Variants in SHANK2 observed in about 807,000 individuals in gnomAD.
SHANK2 encodes SH3 and multiple ankyrin repeat domains 2, also known as SH3 and multiple ankyrin repeat domains protein 2.
Under a neutral mutation model 133.7 loss-of-function variants are expected in SHANK2, and 43 were observed. The ratio of observed to expected loss-of-function variants is 0.32; its 90% confidence interval spans 0.25 to 0.41. The LOEUF (loss-of-function observed/expected upper bound fraction) is 0.41, where lower values mean the gene tolerates loss of function less well. Ranked by LOEUF, SHANK2 falls within the 10% of genes least tolerant of loss-of-function variation. SHANK2 has a pLI of 1.00. For synonymous variants in SHANK2, 1,017 were observed against 952.8 expected (o/e 1.07, Z -1.24); for missense variants, 1,994 against 2,235.8 (o/e 0.89, Z 2.18).
intron 15 of SHANK2, among the ~76,000 whole-genome samples, chr11:70,681,391 C>T (rs1405393181): frequency 2.0e-5 from 3 of 152,186 alleles, no homozygotes; most frequent in Non-Finnish European, 4.4e-5. Context: ...GTAACCTTCT[C>T]TGGCAAGGTT....
intron 14 of SHANK2, among the ~76,000 whole-genome samples, chr11:70,781,633 G>A (rs1555045219): frequency 7.7e-6 from 1 of 130,286 alleles, no homozygotes; most frequent in Non-Finnish European, 1.6e-5. Context: ...TGTGCACAAC[G>A]TGCAGGTTTG....
chr11:71,056,054 T>A (rs1950914873), intron 10 of SHANK2, among the ~76,000 whole-genome samples: 1 of 152,156 alleles, frequency 6.6e-6, no homozygotes, highest in Non-Finnish European at 1.5e-5. Flanking sequence ...GCTGGGGTTG[T>A]TCTCCCTCCA....
rs549288508 is a variant in SHANK2 at position 70,489,558 on chromosome 11, A to G, written c.2552-210T>C. ...CAGCCCAGAGGCATTTCCAGAACAC[A>G]CAGGACAGTGCCCCTGGGGTGGGCT... On this transcript the variant is annotated intron_variant, in intron 23 of 25. Transcript: ENST00000601538. 112 of 616,360 alleles carry G rather than the reference A, an allele frequency of 1.8e-4. No individual in the cohort carries two copies. The Middle Eastern group carries it at 2.2e-3, about 12-fold the overall frequency. The allele number at this position is 616,360 out of a possible 1,614,324, so 38.2% of individuals were successfully genotyped here.
intron 15 of SHANK2, among the ~76,000 whole-genome samples, chr11:70,685,727 G>C (rs1221882283): frequency 1.3e-5 from 2 of 152,138 alleles, no homozygotes; most frequent in Non-Finnish European, 2.9e-5. Context: ...CAACTCCTTA[G>C]ACTGCCCTGA....
rs2058626817 is a variant in SHANK2, at chr11:70,473,684, G to A, written c.4980-245C>T. On this transcript the variant is annotated intron_variant, in intron 25 of 25. Coordinates refer to ENST00000601538, the MANE Select transcript of SHANK2 (RefSeq NM_012309.5). The surrounding 1 kb of genome is among the most constrained non-coding windows in gnomAD (Gnocchi z 5.9). ...CCACTCACCTGAACTGGGACAGAGG[G>A]GCTGGGGGACCTGCCTGTGCTGGGG... 1.7e-6 allele frequency: 1 copy of A among 602,400 alleles called. No individual in the cohort carries two copies. 37.3% of individuals were successfully genotyped at this position (602,400 alleles called of 1,614,324 possible).
intron 17 of SHANK2, among the ~76,000 whole-genome samples, chr11:70,602,171 A>C (rs537498931): frequency 1.3e-5 from 2 of 152,124 alleles, no homozygotes; most frequent in East Asian, 3.9e-4. Flanking sequence ...CTCCCATTTC[A>C]CCTTCCACCA....
intron 17 of SHANK2, among the ~76,000 whole-genome samples, chr11:70,616,991 G>A (rs547942524): frequency 2.1e-4 from 32 of 152,170 alleles, no homozygotes; most frequent in Non-Finnish European, 3.7e-4. Flanking sequence ...AGTGTGTTGT[G>A]TGTCACTGTG....
intron 3 of SHANK2, among the ~76,000 whole-genome samples, chr11:71,134,238 C>T (rs1167499934): frequency 6.0e-5 from 9 of 149,258 alleles, no homozygotes; most frequent in African/African-American, 2.0e-4. Context: ...CCATCACTGA[C>T]GATGGCCAGA....
intron 2 of SHANK2, among the ~76,000 whole-genome samples, chr11:71,174,998 T>TCC (rs1555112889): frequency 1.3e-5 from 2 of 152,100 alleles, no homozygotes; most frequent in African/African-American, 4.8e-5. Context: ...TCTCCTTGTC[T>TCC]CCCCCTCCTC....
intron 17 of SHANK2, among the ~76,000 whole-genome samples, chr11:70,577,422 G>A (rs1367094358): frequency 3.9e-5 from 6 of 152,182 alleles, no homozygotes; most frequent in African/African-American, 1.2e-4. Context: ...TCTGGGCTGG[G>A]GAAAGTCACA....
At chr11:71,100,443 G>A (rs1191359572) in intron 6 of SHANK2, among the ~76,000 whole-genome samples, 1 of 152,232 alleles carries the variant, frequency 6.6e-6, no homozygotes, top group African/African-American at 2.4e-5. Context: ...ACTAAAGAGA[G>A]ACAAGCTGTC....
At chr11:70,875,898 T>C (rs1949553349) in intron 11 of SHANK2, among the ~76,000 whole-genome samples, 1 of 149,520 alleles carries the variant, frequency 6.7e-6, no homozygotes, top group Admixed American at 6.7e-5. Flanking sequence ...GGCTCATGCC[T>C]GTAATCCAAG....
intron 2 of SHANK2, among the ~76,000 whole-genome samples, chr11:71,194,057 C>A (rs2135592993): frequency 6.6e-6 from 1 of 152,162 alleles, no homozygotes; most frequent in East Asian, 1.9e-4. Flanking sequence ...GAGTCAAGAG[C>A]AAGATCGTTC....
chr11:70,829,945 G>C (rs1172720466), intron 11 of SHANK2, among the ~76,000 whole-genome samples: 1 of 152,158 alleles, frequency 6.6e-6, no homozygotes, highest in African/African-American at 2.4e-5. Context: ...GCTCTCCGTG[G>C]ATAATTCCAG....
At chr11:71,109,485 G>A (rs1221322433) in intron 6 of SHANK2, among the ~76,000 whole-genome samples, 1 of 152,248 alleles carries the variant, frequency 6.6e-6, no homozygotes, top group Non-Finnish European at 1.5e-5. Context: ...GATGCCCAGA[G>A]GCCCGCACTC....
intron 11 of SHANK2, among the ~76,000 whole-genome samples, chr11:70,875,990 C>G (rs1555071159): frequency 6.6e-6 from 1 of 151,632 alleles, no homozygotes; most frequent in Non-Finnish European, 1.5e-5. Context: ...AACCCCGTCT[C>G]TACTAAAAAT....
rs540568456 is a variant in SHANK2 at position 71,186,844 on chromosome 11, T to C, written c.-13+37853A>G. 2.0e-5 allele frequency among the ~76,000 whole-genome samples: 3 copies of C among 152,330 alleles called. No homozygotes were observed. In the East Asian group the frequency reaches 5.8e-4, roughly 29 times the overall value. On this transcript the variant is annotated intron_variant, in intron 2 of 25. Coordinates refer to ENST00000601538, the MANE Select transcript of SHANK2 (RefSeq NM_012309.5). ...ACTTAGGGAAGGTGATCAATGCCAC[T>C]ACCTCGGCCCTCGGCATTCAGCCCA... is the stretch of plus-strand genomic sequence containing the variant.
At chr11:71,157,624 TCTGTC>T (rs1555109288) in intron 2 of SHANK2, among the ~76,000 whole-genome samples, 1 of 152,190 alleles carries the variant, frequency 6.6e-6, no homozygotes, top group Non-Finnish European at 1.5e-5. Context: ...TCAGTGGGTT[TCTGTC>T]CAGGCTGCTG....
At chr11:70,814,190 G>GGAGTATGGTA (rs1374635009) in intron 12 of SHANK2, among the ~76,000 whole-genome samples, 1 of 152,174 alleles carries the variant, frequency 6.6e-6, no homozygotes, top group Non-Finnish European at 1.5e-5. Flanking sequence ...TGAGTATGGT[G>GGAGTATGGTA]GAGCATGCCT....
Sources: gnomAD v4.1 joint callset for allele counts (sites outside exome capture counted in the v4.1 genomes callset) on GRCh38, gnomAD v4.1.1 for gene constraint, Gnocchi (gnomAD v3.1) non-coding constraint, MANE v1.5 for transcripts, NCBI Gene and HGNC (gene_info 2026-07-23, HGNC 2026-07-21) for gene names.